Variants in ACACB observed in about 807,000 individuals in gnomAD.
ACACB encodes the protein acetyl-CoA carboxylase beta, also known as acetyl-CoA carboxylase 2.
In ACACB, 209 loss-of-function variants were observed where a neutral mutation model predicts 278.8. That is an observed-to-expected ratio of 0.75 (90% CI 0.67 to 0.84). The LOEUF is 0.84. Ranked by LOEUF, ACACB falls within the 40% of genes least tolerant of loss-of-function variation. The pLI is 0.00. For synonymous variants in ACACB, 1,174 were observed against 1,285.6 expected (o/e 0.91, Z 1.86); for missense variants, 2,850 against 3,269.0 (o/e 0.87, Z 3.13).
At chr12:109,150,340 C>T (rs567724258) in intron 2 of ACACB, among the ~76,000 whole-genome samples, 4 of 152,186 alleles carry the variant, frequency 2.6e-5, no homozygotes, top group Non-Finnish European at 5.9e-5. Flanking sequence ...AAGTTCTTGC[C>T]TGTGCGCATG....
intron 20 of ACACB, 99 bp from the exon 21 acceptor site, chr12:109,209,065 TG>T: frequency 7.5e-7 from 1 of 1,331,022 alleles, no homozygotes; most frequent in Non-Finnish European, 1.0e-6. Flanking sequence ...CTTGAGTGCA[TG>T]GGGTCAGGAT....
intron 2 of ACACB, chr12:109,154,549 G>C (rs1342620435): frequency 6.6e-6 from 1 of 152,390 alleles, no homozygotes; most frequent in Non-Finnish European, 1.5e-5. Flanking sequence ...GCGGCGGGTC[G>C]GAGGTAGGCC....
rs768199367 is a variant in ACACB at position 109,264,237 on chromosome 12, C to A, written c.6793C>A (p.Pro2265Thr). The change falls in exon 50 of 53, where the codon CCT (proline) becomes ACT (threonine). Residue 2265 changes from proline to threonine, a missense_variant. Pro to Thr is a conservative substitution (Grantham distance 38, BLOSUM62 -1). Around this residue, in one of 3 missense-constraint regions of ACACB, gnomAD observed 579 missense variants for 684.6 expected, o/e 0.85. Coordinates refer to ENST00000338432, the MANE Select transcript of ACACB (RefSeq NM_001093.4). ...GCCTTTCTGCTCACCTGCAGGGGAA[C>A]CTGATCTCTCCGACAAGGACCGAAA... is the stretch of plus-strand genomic sequence containing the variant. ...YKKLMEQLGE[P>T]DLSDKDRKDL... The A allele has an allele frequency of 1.2e-6, 2 of 1,614,140 alleles. No individual in the cohort carries two copies. The highest frequency in any genetic ancestry group is 1.7e-6 in the Non-Finnish European group (2 of 1,180,022).
chr12:109,242,747 G>A (rs2046836155), intron 37 of ACACB, 155 bp downstream of exon 37: 1 of 787,830 alleles, frequency 1.3e-6, no homozygotes, highest in Non-Finnish European at 1.9e-6. Flanking sequence ...CAGCACTTCG[G>A]GAGGCCGAGG....
At chr12:109,207,813 G>A (rs1289514299) in intron 20 of ACACB, among the ~76,000 whole-genome samples, 2 of 152,142 alleles carry the variant, frequency 1.3e-5, no homozygotes, top group Non-Finnish European at 2.9e-5. Flanking sequence ...CGAGTAGCTG[G>A]GATTACAGGC....
intron 1 of ACACB, among the ~76,000 whole-genome samples, chr12:109,128,826 C>G (rs994446770): frequency 6.6e-6 from 1 of 150,692 alleles, no homozygotes; most frequent in African/African-American, 2.4e-5. Flanking sequence ...TTTTCTGAGA[C>G]AGGGTCTCGC....
intron 1 of ACACB, among the ~76,000 whole-genome samples, chr12:109,123,166 G>A (rs1193726113): frequency 6.7e-6 from 1 of 149,012 alleles, no homozygotes; most frequent in Non-Finnish European, 1.5e-5. Context: ...GGGCGACAGA[G>A]CGAGACTCCA....
At chr12:109,169,697 A>T (rs976841385) in intron 4 of ACACB, among the ~76,000 whole-genome samples, 7 of 152,170 alleles carry the variant, frequency 4.6e-5, no homozygotes, top group Non-Finnish European at 1.0e-4. Flanking sequence ...CAACATGATC[A>T]TCGCATCTCT....
In ACACB at chr12:109,221,892, T is replaced by G. The variant is rs2046171801; in HGVS notation, c.3565-615T>G. Among the ~76,000 whole-genome samples the G allele has an allele frequency of 1.2e-4, 17 of 141,720 alleles. No homozygotes were observed. The South Asian group carries it at 3.2e-3, about 27-fold the overall frequency. 93.0% of individuals were successfully genotyped at this position (141,720 alleles called of 152,430 possible). On this transcript the variant is annotated intron_variant, in intron 24 of 52. Coordinates refer to ENST00000338432, the MANE Select transcript of ACACB (RefSeq NM_001093.4). ...ATAATCACTGACCTTTTTTTTTTTT[T>G]TTGGGGGGGAGACAGAGTCTGGCTC...
intron 19 of ACACB, among the ~76,000 whole-genome samples, chr12:109,205,354 C>T (rs2045470814): frequency 6.6e-6 from 1 of 152,140 alleles, no homozygotes; most frequent in African/African-American, 2.4e-5. Context: ...AGTAACTTCA[C>T]TTGGTGAGTG....
Position 109,227,497 on chromosome 12 carries a change from G to C in ACACB, c.4001+8G>C, listed in dbSNP as rs1442713911. ...GTCCTCCCACCCAAACCGGTATGGAGTGGGACACACCCAGGGACGGCCTGT... is the reference window on the plus strand; with the variant it reads ...GTCCTCCCACCCAAACCGGTATGGACTGGGACACACCCAGGGACGGCCTGT... On this transcript the variant is annotated splice_region_variant and intron_variant, in intron 28 of 52. Transcript: ENST00000338432. 1 of 1,612,234 alleles carries C rather than the reference G, an allele frequency of 6.2e-7. No homozygotes were observed. Among genetic ancestry groups the C allele is most frequent in the African/African-American group, 1.3e-5 (1 of 74,890 alleles).
At position 109,246,304 on chromosome 12, in the gene ACACB, G is replaced by A. The variant is rs2046942482; in HGVS notation, c.5427G>A (p.Leu1809=). The A allele has an allele frequency of 1.9e-6, 3 of 1,612,640 alleles. No homozygotes were observed. Among genetic ancestry groups the A allele is most frequent in the Non-Finnish European group, 2.5e-6 (3 of 1,179,726 alleles). Residue 1809 remains leucine, a synonymous_variant, in exon 39 of 53, where the codon CTG becomes CTA. Transcript: ENST00000338432. Reference sequence around the variant, plus strand: ...CCTTTGGCCCTGGAGAGGACCTTCTGTACCTGCGGGCATCCGAGATGGCCC... The same window carrying A: ...CCTTTGGCCCTGGAGAGGACCTTCTATACCTGCGGGCATCCGAGATGGCCC... ...IGSFGPGEDL[L]YLRASEMARA...
At chr12:109,243,580 C>G (rs963570570) in intron 37 of ACACB, among the ~76,000 whole-genome samples, 2 of 152,164 alleles carry the variant, frequency 1.3e-5, no homozygotes, top group African/African-American at 4.8e-5. Flanking sequence ...GCCCTGGTGA[C>G]AGAGCGAGAC....
At chr12:109,211,654 G>A (rs182668721) in intron 21 of ACACB, among the ~76,000 whole-genome samples, 1 of 152,324 alleles carries the variant, frequency 6.6e-6, no homozygotes, top group Admixed American at 6.5e-5. Flanking sequence ...AAAATGGAGA[G>A]TGAGCGCTAA....
Position 109,139,592 on chromosome 12 carries a change from GA to G in ACACB, c.188del (p.Glu63GlyfsTer99). 1.9e-6 allele frequency: 3 copies of G among 1,614,050 alleles called. No individual in the cohort carries two copies. Among genetic ancestry groups the G allele is most frequent in the Non-Finnish European group, 2.5e-6 (3 of 1,180,004 alleles). On this transcript the variant is annotated frameshift_variant, in exon 2 of 53. Transcript: ENST00000338432. LOFTEE classifies it high-confidence loss of function. ...AGGGGAGACACCGCAGAGAAATGGG[GA>G]GGGCCACACTCTGCCCAAGACACCC... ...NSGETPQRNG[E>X]GHTLPKTPSQ... is the part of the protein sequence containing the mutation.
intron 29 of ACACB, among the ~76,000 whole-genome samples, chr12:109,233,495 C>G (rs2046538870): frequency 6.6e-6 from 1 of 152,214 alleles, no homozygotes; most frequent in Non-Finnish European, 1.5e-5. Flanking sequence ...CCTGAAAGCG[C>G]TGGAATCCTT....
Position 109,191,772 on chromosome 12 carries a change from T to A in ACACB, c.2295+9T>A. The stretch of plus-strand genomic sequence containing the variant: ...TTGCTGAGAAAGTGCAGGTAGGGAG[T>A]GAGCTGCCTGTGTCTCCCCTCTGGA... On this transcript the variant is annotated intron_variant, in intron 14 of 52. Coordinates refer to ENST00000338432, the MANE Select transcript of ACACB (RefSeq NM_001093.4). The A allele has an allele frequency of 6.2e-7, 1 of 1,613,576 alleles. No individual in the cohort carries two copies. The highest frequency in any genetic ancestry group is 8.5e-7 in the Non-Finnish European group (1 of 1,179,890).
At chr12:109,246,143 A>G in intron 38 of ACACB, 36 bp from the exon 39 acceptor site, 1 of 1,569,366 alleles carries the variant, frequency 6.4e-7, no homozygotes, top group Non-Finnish European at 8.6e-7. Flanking sequence ...CCAAAGAAAC[A>G]AACTCATTTT....
At chr12:109,197,626 G>A (rs1485935780) in intron 17 of ACACB, among the ~76,000 whole-genome samples, 2 of 152,158 alleles carry the variant, frequency 1.3e-5, no homozygotes, top group Non-Finnish European at 1.5e-5. Context: ...GGCAGGAAAG[G>A]GTGTCGTGTA....
Sources: allele counts gnomAD v4.1 joint callset (sites outside exome capture counted in the v4.1 genomes callset), GRCh38; gene constraint gnomAD v4.1.1; regional missense constraint gnomAD v4.1.1; transcripts MANE v1.5; gene names NCBI Gene and HGNC (gene_info 2026-07-23, HGNC 2026-07-21).